ABHD17C: variants seen among roughly 807,000 people sequenced by gnomAD.
The protein encoded by ABHD17C is alpha/beta hydrolase domain-containing protein 17C.
Under a neutral mutation model 27.9 loss-of-function variants are expected in ABHD17C, and 11 were observed. The observed-to-expected ratio is 0.39, with a 90% confidence interval of 0.25 to 0.65. The LOEUF (loss-of-function observed/expected upper bound fraction) is 0.65, where lower values mean the gene tolerates loss of function less well. ABHD17C is among the 30% of genes least tolerant of loss of function. The pLI is 0.45. For missense variants in ABHD17C, 280 were observed against 470.2 expected (o/e 0.60, Z 3.74); for synonymous variants, 233 against 209.1 (o/e 1.11, Z -0.98).
chr15:80,699,153 A>C (rs1894537599), intron 1 of ABHD17C, among the ~76,000 whole-genome samples: 1 of 152,146 alleles, frequency 6.6e-6, no homozygotes, highest in South Asian at 2.1e-4. Context: ...TTGAGTTATC[A>C]CAGTGTTGCT....
intron 1 of ABHD17C, among the ~76,000 whole-genome samples, chr15:80,709,035 C>T (rs566883788): frequency 8.5e-5 from 13 of 152,232 alleles, no homozygotes; most frequent in African/African-American, 3.1e-4. Flanking sequence ...GAAGTTTCTG[C>T]GAATCTCCTT....
chr15:80,742,954 A>T (rs1268414963), intron 1 of ABHD17C, among the ~76,000 whole-genome samples: 1 of 120,782 alleles, frequency 8.3e-6, no homozygotes, highest in African/African-American at 3.2e-5. Context: ...GCAAGACTTC[A>T]TAGGGGCAGA....
intron 1 of ABHD17C, among the ~76,000 whole-genome samples, chr15:80,698,151 A>G (rs572723212): frequency 3.7e-4 from 49 of 133,924 alleles, no homozygotes; most frequent in African/African-American, 1.1e-3. Context: ...TGTAAGCTCC[A>G]CCTCCCGGGT....
chr15:80,705,362 T>TGTGTGTGTGGGTGTGTGTGTGG (rs776574776), intron 1 of ABHD17C, among the ~76,000 whole-genome samples: 1 of 150,624 alleles, frequency 6.6e-6, no homozygotes, highest in East Asian at 2.0e-4. Context: ...TGTGTGTGTG[T>TGTGTGTGTGGGTGTGTGTGTGG]GTGTGGTTAG....
chr15:80,739,870 T>G (rs1393338145), intron 1 of ABHD17C, among the ~76,000 whole-genome samples: 2 of 152,224 alleles, frequency 1.3e-5, no homozygotes, highest in Non-Finnish European at 2.9e-5. Flanking sequence ...GAGTTCTCCC[T>G]AACTCAAATC....
intron 2 of ABHD17C, among the ~76,000 whole-genome samples, chr15:80,750,992 G>T (rs1200661930): frequency 1.3e-5 from 2 of 151,850 alleles, no homozygotes; most frequent in East Asian, 1.9e-4. Flanking sequence ...AGTTTATCTG[G>T]TATGGCAGGT....
At chr15:80,703,643 G>C (rs563623408) in intron 1 of ABHD17C, among the ~76,000 whole-genome samples, 3 of 152,096 alleles carry the variant, frequency 2.0e-5, no homozygotes, top group Non-Finnish European at 4.4e-5. Flanking sequence ...ATGTATATGA[G>C]TGTGCGTGTG....
At chr15:80,703,042 G>A (rs1894596290) in intron 1 of ABHD17C, 1 of 152,174 alleles carries the variant, frequency 6.6e-6, no homozygotes, top group Non-Finnish European at 1.5e-5. Flanking sequence ...CCAATTTCTG[G>A]AGGCTGGGAA....
At chr15:80,720,798 G>C (rs900997851) in intron 1 of ABHD17C, among the ~76,000 whole-genome samples, 1 of 151,866 alleles carries the variant, frequency 6.6e-6, no homozygotes, top group African/African-American at 2.4e-5. Flanking sequence ...ACGGGTGCCT[G>C]TAATCCCAGC....
intron 1 of ABHD17C, among the ~76,000 whole-genome samples, chr15:80,709,322 C>G (rs1894696349): frequency 6.6e-6 from 1 of 151,876 alleles, no homozygotes; most frequent in South Asian, 2.1e-4. Context: ...TACCCCATCT[C>G]TACCCAAAGT....
intron 1 of ABHD17C, among the ~76,000 whole-genome samples, chr15:80,714,738 G>T (rs990150754): frequency 6.6e-6 from 1 of 152,074 alleles, no homozygotes; most frequent in Admixed American, 6.5e-5. Context: ...CGCACAAATC[G>T]GGAGCACCTG....
chr15:80,696,157 G>A, intron 1 of ABHD17C, 138 bp downstream of exon 1: 7 of 942,688 alleles, frequency 7.4e-6, no homozygotes, highest in Non-Finnish European at 1.1e-5. Flanking sequence ...CCCCTTGGCC[G>A]CCGTAAATTC....
chr15:80,698,246 A>G (rs538665522), intron 1 of ABHD17C, among the ~76,000 whole-genome samples: 2 of 151,900 alleles, frequency 1.3e-5, no homozygotes, highest in African/African-American at 2.4e-5. Flanking sequence ...TTGTATTTTT[A>G]GTAGAGACGG....
chr15:80,708,207 C>T (rs988980798), intron 1 of ABHD17C, among the ~76,000 whole-genome samples: 122 of 152,214 alleles, frequency 8.0e-4, no homozygotes, highest in Non-Finnish European at 1.3e-3. Flanking sequence ...TTTTCCTTCT[C>T]CTTCTTTCTT....
Position 80,704,131 on chromosome 15 carries a change from G to T in ABHD17C, c.590+8112G>T, listed in dbSNP as rs539433747. ...TAGATGGTTTCAGATAAAGATCTCT[G>T]GTGGCCAGGAACCCACTAGAGTAAA... On this transcript the variant is annotated intron_variant, in intron 1 of 2. Transcript: ENST00000258884. Among the ~76,000 whole-genome samples the T allele has an allele frequency of 3.3e-5, 5 of 152,198 alleles. No homozygotes were observed. In the East Asian group the frequency reaches 7.7e-4, roughly 24 times the overall value.
intron 1 of ABHD17C, among the ~76,000 whole-genome samples, chr15:80,717,934 A>T (rs1287902187): frequency 6.6e-6 from 1 of 152,184 alleles, no homozygotes; most frequent in East Asian, 1.9e-4. Context: ...GCCTAACGGA[A>T]CTACTAGCTG....
chr15:80,716,719 T>G (rs192491804), intron 1 of ABHD17C, among the ~76,000 whole-genome samples: 4 of 152,228 alleles, frequency 2.6e-5, no homozygotes, highest in Admixed American at 6.5e-5. Flanking sequence ...CTACAGAACC[T>G]AACGTGAAGT....
At chr15:80,754,023 CAAAA>C in intron 2 of ABHD17C, 124 bp from the exon 3 acceptor site, 2 of 773,626 alleles carry the variant, frequency 2.6e-6, no homozygotes, top group South Asian at 3.7e-5. Flanking sequence ...ACAAAACAAA[CAAAA>C]AAAACCCACG....
At chr15:80,717,289 A>T (rs1355800822) in intron 1 of ABHD17C, among the ~76,000 whole-genome samples, 1 of 147,484 alleles carries the variant, frequency 6.8e-6, no homozygotes, top group Non-Finnish European at 1.5e-5. Context: ...GGCATAGCTA[A>T]TACTTTTCAT....
Sources: gnomAD v4.1 joint callset for allele counts (sites outside exome capture counted in the v4.1 genomes callset) on GRCh38, gnomAD v4.1.1 for gene constraint, MANE v1.5 for transcripts, NCBI Gene and HGNC (gene_info 2026-07-23, HGNC 2026-07-21) for gene names.